Variants in RRBP1 observed in about 807,000 individuals in gnomAD.
RRBP1 encodes the protein ribosome binding protein 1, also known as ribosome-binding protein 1.
A neutral mutation model predicts 165.2 loss-of-function variants in RRBP1; 94 were observed. The ratio of observed to expected loss-of-function variants is 0.57; its 90% CI spans 0.48 to 0.68. The LOEUF (loss-of-function observed/expected upper bound fraction) is 0.68. Among genes scored for constraint, RRBP1 ranks in the 30% least tolerant of loss-of-function variants. The probability of loss-of-function intolerance (pLI) is 0.00; values close to 1 mark genes in which losing one functional copy is unlikely to be tolerated. For synonymous variants in RRBP1, 680 were observed against 714.5 expected (o/e 0.95, Z 0.77); for missense variants, 1,676 against 1,763.0 (o/e 0.95, Z 0.88).
At chr20:17,619,573 G>T in intron 19 of RRBP1, 60 bp downstream of exon 19, 1 of 1,267,614 alleles carries the variant, frequency 7.9e-7, no homozygotes, top group Admixed American at 2.0e-5. Flanking sequence ...AGGAGAAGCA[G>T]CTCAGGGAGG....
intron 5 of RRBP1, among the ~76,000 whole-genome samples, chr20:17,636,987 C>A (rs529075673): frequency 2.0e-5 from 3 of 152,208 alleles, no homozygotes; most frequent in Non-Finnish European, 4.4e-5. Context: ...GTGGCAGATG[C>A]GGCAGGAACA....
At chr20:17,672,306 C>G (rs569480005) in intron 2 of RRBP1, among the ~76,000 whole-genome samples, 1 of 152,332 alleles carries the variant, frequency 6.6e-6, no homozygotes, top group South Asian at 2.1e-4. Context: ...TGGAGAAGAG[C>G]TGCATTTCCA....
intron 5 of RRBP1, 134 bp from the exon 6 acceptor site, chr20:17,636,863 A>C (rs2036258271): frequency 9.1e-7 from 1 of 1,103,466 alleles, no homozygotes; most frequent in Non-Finnish European, 1.3e-6. Flanking sequence ...CCGGGTTCTC[A>C]GCTAGACTCA....
intron 2 of RRBP1, 102 bp from the exon 3 acceptor site, chr20:17,660,630 T>G: frequency 1.4e-6 from 1 of 718,284 alleles, no homozygotes; most frequent in East Asian, 2.5e-5. Flanking sequence ...AATTCTTTCT[T>G]CAGGCTAATA....
intron 8 of RRBP1, among the ~76,000 whole-genome samples, chr20:17,633,020 G>A (rs1253764115): frequency 6.6e-6 from 1 of 152,176 alleles, no homozygotes; most frequent in Non-Finnish European, 1.5e-5. Context: ...GTACCACAGT[G>A]GGGGCAAGTA....
intron 16 of RRBP1, among the ~76,000 whole-genome samples, chr20:17,621,172 C>T (rs2035906046): frequency 1.3e-5 from 2 of 152,212 alleles, no homozygotes; most frequent in South Asian, 4.1e-4. Context: ...CTCTTAGTCA[C>T]AAACGGGGTT....
chr20:17,638,484 T>C (rs2036287738), intron 5 of RRBP1, among the ~76,000 whole-genome samples: 1 of 152,132 alleles, frequency 6.6e-6, no homozygotes, highest in African/African-American at 2.4e-5. Context: ...GACCCCTATC[T>C]CCTGGGGGTC....
In RRBP1 at chr20:17,679,979, A is replaced by G. The variant is rs41276400; in HGVS notation, c.-22+20T>C. The stretch of plus-strand genomic sequence containing the variant: ...AAGCCGGCTTTGCGGTGCTCCATGT[A>G]AAAGGAAAACTTCACCTACTAGGAG... On this transcript the variant is annotated intron_variant, in intron 2 of 24. Transcript: ENST00000377813. 0.013 allele frequency: 1,994 copies of G among 152,326 alleles called. 27 individuals carry two copies. Among genetic ancestry groups the G allele is most frequent in the South Asian group, 0.05 (240 of 4,826 alleles). 9.4% of individuals were successfully genotyped at this position (152,326 alleles called of 1,614,324 possible).
chr20:17,633,957 A>G (rs966161934), intron 7 of RRBP1, among the ~76,000 whole-genome samples: 1 of 152,308 alleles, frequency 6.6e-6, no homozygotes, highest in Non-Finnish European at 1.5e-5. Flanking sequence ...ACCCGCCTTG[A>G]CGCCCTGTAG....
At chr20:17,681,830 C>T (rs1396686532) in intron 1 of RRBP1, among the ~76,000 whole-genome samples, 198 bp downstream of exon 1, 1 of 150,096 alleles carries the variant, frequency 6.7e-6, no homozygotes, top group South Asian at 2.1e-4. Flanking sequence ...CCCGGTACGG[C>T]GCTTGCCCGG....
At chr20:17,651,311 T>G (rs745885258) in intron 3 of RRBP1, among the ~76,000 whole-genome samples, 13 of 152,202 alleles carry the variant, frequency 8.5e-5, no homozygotes, top group Non-Finnish European at 1.5e-4. Context: ...TGTGAAACGT[T>G]TCTGGAAAGC....
At chr20:17,656,212 T>C (rs1358104454) in intron 3 of RRBP1, among the ~76,000 whole-genome samples, 1 of 152,214 alleles carries the variant, frequency 6.6e-6, no homozygotes, top group Non-Finnish European at 1.5e-5. Context: ...TTTTCTAGAC[T>C]GCCGACACTG....
chr20:17,660,191 G>A lies in RRBP1; in HGVS notation c.317C>T (p.Ala106Val), dbSNP rs868021520. 6.2e-7 allele frequency: 1 copy of A among 1,614,094 alleles called. No individual in the cohort carries two copies. Among genetic ancestry groups the A allele is most frequent in the Non-Finnish European group, 8.5e-7 (1 of 1,179,974 alleles). The change falls in exon 3 of 25, where the codon GCT (alanine) becomes GTT (valine). Residue 106 changes from alanine (A) to valine (V), a missense_variant. Physicochemically the swap from Ala to Val is moderately conservative, Grantham distance 64 (BLOSUM62 0). Around this residue, in one of 5 missense-constraint regions of RRBP1, gnomAD observed 392 missense variants for 382.5 expected, o/e 1.02. Coordinates refer to ENST00000377813, the MANE Select transcript of RRBP1 (RefSeq NM_001365613.2). ...LREPVRAPAVAVAPTPVQPPI... is the reference protein window; with the variant it reads ...LREPVRAPAVVVAPTPVQPPI... ...GGGCTGCACTGGGGTTGGAGCCACAGCCACAGCAGGAGCCCGCACTGGTTC... is the reference window on the plus strand; with the variant it reads ...GGGCTGCACTGGGGTTGGAGCCACAACCACAGCAGGAGCCCGCACTGGTTC...
rs1174783050 is a variant in RRBP1 at position 17,658,731 on chromosome 20, C to T, written c.1777G>A (p.Ala593Thr). 1 of 1,614,242 alleles carries T rather than the reference C, an allele frequency of 6.2e-7. No individual in the cohort carries two copies. The highest frequency in any genetic ancestry group is 1.7e-5 in the Admixed American group (1 of 60,030). Residue 593 changes from alanine (A) to threonine (T), a missense_variant, in exon 3 of 25, where the codon GCT becomes ACT. Around this residue, in one of 5 missense-constraint regions of RRBP1, gnomAD observed 1,184 missense variants for 1,167.1 expected, o/e 1.01. Coordinates refer to ENST00000377813, the MANE Select transcript of RRBP1 (RefSeq NM_001365613.2). ...TCTGTCTTTTTACCCTGATTGGCAG[C>T]TGCGTCTGCCTTTTTGCCTTGGTTG... ...SPNQGKKADA[A>T]ANQGKKTESA...
At chr20:17,615,604 G>T (rs544378914) in intron 22 of RRBP1, 75 bp from the exon 23 acceptor site, 4 of 1,282,492 alleles carry the variant, frequency 3.1e-6, no homozygotes, top group Non-Finnish European at 3.2e-6. Flanking sequence ...TACCGAGCAC[G>T]CCTGGGGACC....
At chr20:17,636,018 CT>C (rs971352827) in intron 6 of RRBP1, among the ~76,000 whole-genome samples, 3 of 152,224 alleles carry the variant, frequency 2.0e-5, no homozygotes, top group African/African-American at 7.2e-5. Context: ...TCTAACCCCC[CT>C]GAGGAAGCCT....
intron 16 of RRBP1, among the ~76,000 whole-genome samples, chr20:17,621,113 G>A (rs757198976): frequency 5.3e-5 from 8 of 152,192 alleles, no homozygotes; most frequent in Non-Finnish European, 1.2e-4. Flanking sequence ...CCAGGACGAG[G>A]AGCACAGGAT....
At chr20:17,681,986 G>C (rs1214584132) in intron 1 of RRBP1, 42 bp downstream of exon 1, 1 of 149,154 alleles carries the variant, frequency 6.7e-6, no homozygotes, top group Non-Finnish European at 1.5e-5. Flanking sequence ...CCGACGGCCC[G>C]GCCCGCGCGC....
chr20:17,620,779 C>A lies in RRBP1; in HGVS notation c.3443G>T (p.Ser1148Ile). 1 of 1,608,854 alleles carries A rather than the reference C, an allele frequency of 6.2e-7. No homozygotes were observed. Among genetic ancestry groups the A allele is most frequent in the Non-Finnish European group, 8.5e-7 (1 of 1,179,722 alleles). ...TEGMLRDLQK[S>I]VEEEEQVWRA... ...CCACACCTGCTCCTCCTCCTCCACG[C>A]TCTTCTGCAGGTCTCTGAGCATGCC... The change falls in exon 17 of 25, where the codon AGC becomes ATC. Residue 1148 changes from serine to isoleucine, a missense_variant. Around this residue, in one of 5 missense-constraint regions of RRBP1, gnomAD observed 1,184 missense variants for 1,167.1 expected, o/e 1.01. Coordinates refer to ENST00000377813, the MANE Select transcript of RRBP1 (RefSeq NM_001365613.2).
Sources: gnomAD v4.1 joint callset for allele counts (sites outside exome capture counted in the v4.1 genomes callset) on GRCh38, gnomAD v4.1.1 for gene constraint, gnomAD v4.1.1 regional missense constraint, MANE v1.5 for transcripts, NCBI Gene and HGNC (gene_info 2026-07-23, HGNC 2026-07-21) for gene names.